The following SSUH2 variants were observed in gnomAD, a reference collection of about 807,000 sequenced individuals.
The protein encoded by SSUH2 is protein SSUH2 homolog.
A neutral mutation model predicts 55.3 loss-of-function variants in SSUH2; 47 were observed. The ratio of observed to expected loss-of-function variants is 0.85; its 90% CI spans 0.67 to 1.08. The LOEUF is 1.08. Ranked by LOEUF, SSUH2 falls within the 50% of genes least tolerant of loss-of-function variation. The pLI is 0.00. For synonymous variants in SSUH2, 212 were observed against 191.5 expected (o/e 1.11, Z -0.89); for missense variants, 535 against 490.7 (o/e 1.09, Z -0.85).
intron 3 of SSUH2, chr3:8,634,226 G>T: frequency 1.7e-6 from 1 of 580,720 alleles, no homozygotes; most frequent in South Asian, 1.9e-5. Context: ...CTAGCAACAT[G>T]ATGGGAAGAC....
In SSUH2 at chr3:8,630,927, G is replaced by T; in HGVS notation, c.403C>A (p.His135Asn). 1 of 1,418,838 alleles carries T rather than the reference G, an allele frequency of 7.0e-7. No individual in the cohort carries two copies. The highest frequency in any genetic ancestry group is 9.3e-7 in the Non-Finnish European group (1 of 1,080,776). 87.9% of individuals were successfully genotyped at this position (1,418,838 alleles called of 1,614,324 possible). Residue 135 changes from histidine (H) to asparagine (N), a missense_variant and splice_region_variant, in exon 6 of 12, where the codon CAC (histidine) becomes AAC (asparagine). Physicochemically the swap from His to Asn is moderately conservative, Grantham distance 68 (BLOSUM62 1). Coordinates refer to ENST00000544814, the MANE Select transcript of SSUH2 (RefSeq NM_001256748.3). Reference protein sequence around the residue: ...SEWTFQPFTNHSVDGPQRGAS... With the variant: ...SEWTFQPFTNNSVDGPQRGAS... Reference sequence around the variant, plus strand: ...CCTCTTTGCGGCCCATCCACAGAGTGGTCTGACACAGAAAGGGGTCATTGT... The same window carrying T: ...CCTCTTTGCGGCCCATCCACAGAGTTGTCTGACACAGAAAGGGGTCATTGT...
intron 1 of SSUH2, chr3:8,639,915 C>T: frequency 2.1e-6 from 2 of 961,336 alleles, no homozygotes; most frequent in African/African-American, 1.8e-5. Flanking sequence ...ATCCAACAGG[C>T]ACACGTAAGT....
intron 3 of SSUH2, among the ~76,000 whole-genome samples, chr3:8,674,948 C>T (rs1407712083): frequency 6.6e-6 from 1 of 152,162 alleles, no homozygotes; most frequent in East Asian, 1.9e-4. Context: ...GACCGGGTCC[C>T]CAGAGAAGCT....
chr3:8,633,974 C>T (rs753962215), intron 3 of SSUH2, 179 bp from the exon 4 acceptor site: 6 of 1,608,936 alleles, frequency 3.7e-6, no homozygotes, highest in Admixed American at 3.4e-5. Context: ...GGGTGCCCAG[C>T]GTGAGAACGG....
At chr3:8,634,713 C>T (rs893549892) in intron 3 of SSUH2, 181 of 562,784 alleles carry the variant, frequency 3.2e-4, no homozygotes, top group Non-Finnish European at 4.9e-4. Context: ...GGGCCAGAAG[C>T]CCCCGGGAGA....
At position 8,625,395 on chromosome 3, in the gene SSUH2, C is replaced by A. The variant is rs987076511; in HGVS notation, c.873+147G>T. The stretch of plus-strand genomic sequence containing the variant: ...AAACTGACAGCCCCCAGGCTCCCCA[C>A]AGCCTTATCCATGTCTGGGGAGCTC... On this transcript the variant is annotated intron_variant, in intron 10 of 11. Transcript: ENST00000544814. 5.2e-6 allele frequency: 3 copies of A among 571,982 alleles called. No individual in the cohort carries two copies. In the South Asian group the frequency reaches 6.7e-5, roughly 13 times the overall value. The allele number at this position is 571,982 out of a possible 1,614,324, so 35.4% of individuals were successfully genotyped here.
In SSUH2 at chr3:8,625,712, A is replaced by C. The variant is rs367661809; in HGVS notation, c.768-65T>G. On this transcript the variant is annotated intron_variant, in intron 9 of 11. Transcript: ENST00000544814. ...GGCAGGTTAAAAGCATGGCCTTTGC[A>C]ATCAGACAGACCTGGGGTTGAGGGC... 1.7e-5 allele frequency: 19 copies of C among 1,141,232 alleles called. No individual in the cohort carries two copies. The African/African-American group carries it at 2.1e-4, about 13-fold the overall frequency. The allele number at this position is 1,141,232 out of a possible 1,614,324, so 70.7% of individuals were successfully genotyped here. A position where few individuals can be genotyped will look rare whatever the true frequency, so the allele number is the denominator to read the frequency against.
intron 7 of SSUH2, chr3:8,652,221 A>T (rs1247029641): frequency 2.0e-5 from 3 of 152,370 alleles, no homozygotes; most frequent in African/African-American, 4.8e-5. Context: ...CCAAGCACAC[A>T]GAGCCCTCCT....
intron 11 of SSUH2, among the ~76,000 whole-genome samples, chr3:8,620,266 TAGTG>T (rs549935060): frequency 1.1e-3 from 166 of 152,292 alleles, no homozygotes; most frequent in African/African-American, 3.6e-3. Context: ...ATTCTCATGA[TAGTG>T]AGTAAGTCTC....
chr3:8,678,573 G>A lies in SSUH2; in HGVS notation c.-901+1132C>T, dbSNP rs1204278736. 1.4e-4 allele frequency among the ~76,000 whole-genome samples: 16 copies of A among 114,560 alleles called. 1 individual carries two copies. Among genetic ancestry groups the A allele is most frequent in the South Asian group, 1.0e-3 (3 of 2,988 alleles). The allele number at this position is 114,560 out of a possible 152,430, so 75.2% of individuals were successfully genotyped here. ...CTCTTAGGACCCCAATCACAGAGGG[G>A]GGAACACCCCCCGCGAGGCAGGGAC... is the stretch of plus-strand genomic sequence containing the variant. On this transcript the variant is annotated intron_variant, in intron 2 of 18. Transcript: ENST00000317371.
chr3:8,677,760 A>G (rs185570535), intron 2 of SSUH2, among the ~76,000 whole-genome samples: 1 of 150,090 alleles, frequency 6.7e-6, no homozygotes, highest in Non-Finnish European at 1.5e-5. Flanking sequence ...AAATAAGCTG[A>G]CTCTTGGGCA....
chr3:8,676,780 C>T lies in SSUH2; in HGVS notation c.-753+426G>A, dbSNP rs368578565. The stretch of plus-strand genomic sequence containing the variant: ...TCCCACCTGGATCTCAGGACCTCAT[C>T]GCAGTGGGGGGAGGCACCCCCAGTG... On this transcript the variant is annotated intron_variant, in intron 3 of 18. Coordinates refer to the SSUH2 transcript ENST00000317371. Among the ~76,000 whole-genome samples, 6 of 148,390 alleles carry T rather than the reference C, an allele frequency of 4.0e-5. 1 individual carries two copies. In the South Asian group the frequency reaches 1.3e-3, roughly 31 times the overall value.
intron 1 of SSUH2, among the ~76,000 whole-genome samples, chr3:8,638,642 T>C (rs536852752): frequency 5.2e-4 from 79 of 152,298 alleles, no homozygotes; most frequent in African/African-American, 1.7e-3. Flanking sequence ...GAGCAGTTGA[T>C]ATTAATACCC....
intron 3 of SSUH2, among the ~76,000 whole-genome samples, chr3:8,672,957 A>G (rs1408517630): frequency 6.6e-6 from 1 of 152,118 alleles, no homozygotes; most frequent in Non-Finnish European, 1.5e-5. Context: ...TCTGGACATT[A>G]GGAACAATAT....
intron 5 of SSUH2, among the ~76,000 whole-genome samples, chr3:8,667,215 G>C (rs1704072975): frequency 2.6e-5 from 4 of 152,162 alleles, no homozygotes; most frequent in Admixed American, 2.0e-4. Flanking sequence ...GATTGTTCAT[G>C]AGTTTTGCAG....
At chr3:8,659,945 A>C (rs1703312439) in intron 6 of SSUH2, 1 of 378,472 alleles carries the variant, frequency 2.6e-6, no homozygotes, top group African/African-American at 2.1e-5. Context: ...GGAGTTCATT[A>C]GGTGAAACTA....
chr3:8,626,211 T>C lies in SSUH2; in HGVS notation c.767+18A>G. 1 of 1,608,396 alleles carries C rather than the reference T, an allele frequency of 6.2e-7. No homozygotes were observed. ...CAGCCACCCCCGCATGCCACAGCAT[T>C]GAGACACTGCCACATACCACATGAT... On this transcript the variant is annotated intron_variant, in intron 9 of 11. Transcript: ENST00000544814.
intron 1 of SSUH2, among the ~76,000 whole-genome samples, chr3:8,680,540 C>T (rs1172810340): frequency 1.3e-5 from 2 of 151,996 alleles, no homozygotes; most frequent in Non-Finnish European, 1.5e-5. Context: ...CCTGCGATAT[C>T]GTGTGTTATA....
chr3:8,673,289 T>C (rs1200693127), intron 3 of SSUH2, among the ~76,000 whole-genome samples: 7 of 152,116 alleles, frequency 4.6e-5, no homozygotes, highest in Non-Finnish European at 8.8e-5. Flanking sequence ...GTTATTAATA[T>C]TGATAATTAG....
Sources: gnomAD v4.1 joint callset for allele counts (sites outside exome capture counted in the v4.1 genomes callset) on GRCh38, gnomAD v4.1.1 for gene constraint, MANE v1.5 for transcripts, NCBI Gene and HGNC (gene_info 2026-07-23, HGNC 2026-07-21) for gene names.